ASH1L: variants seen among roughly 807,000 people sequenced by gnomAD.
The protein encoded by ASH1L is histone-lysine N-methyltransferase ASH1L.
In ASH1L, 23 loss-of-function variants were observed where a neutral mutation model predicts 269.0. The observed-to-expected ratio is 0.09, with a 90% CI of 0.06 to 0.12. The LOEUF (loss-of-function observed/expected upper bound fraction) is 0.12, where lower values mean the gene tolerates loss of function less well. Ranked by LOEUF, ASH1L falls within the 10% of genes least tolerant of loss-of-function variation. The probability of loss-of-function intolerance (pLI) is 1.00; values close to 1 mark genes in which losing one functional copy is unlikely to be tolerated. For missense variants in ASH1L, 2,912 were observed against 3,567.8 expected (o/e 0.82, Z 4.68); for synonymous variants, 1,187 against 1,253.5 (o/e 0.95, Z 1.12).
intron 9 of ASH1L, 39 bp from the exon 10 acceptor site, chr1:155,378,428 G>A (rs1656654922): frequency 6.2e-7 from 1 of 1,608,834 alleles, no homozygotes. Flanking sequence ...GAACATACAG[G>A]ATAATTTTTC....
chr1:155,404,379 A>G (rs1659096835), intron 6 of ASH1L, among the ~76,000 whole-genome samples: 2 of 152,080 alleles, frequency 1.3e-5, no homozygotes, highest in Non-Finnish European at 2.9e-5. Context: ...TCCAGAAGCA[A>G]TTTAAAAATA....
At chr1:155,456,564 C>T (rs1663877873) in intron 4 of ASH1L, among the ~76,000 whole-genome samples, 1 of 152,052 alleles carries the variant, frequency 6.6e-6, no homozygotes, top group Non-Finnish European at 1.5e-5. Flanking sequence ...CTTAGGTCTC[C>T]GTCCCCATCA....
chr1:155,359,193 C>G (rs1443586071), intron 13 of ASH1L, among the ~76,000 whole-genome samples: 1 of 152,162 alleles, frequency 6.6e-6, no homozygotes, highest in Non-Finnish European at 1.5e-5. Context: ...AACTCCTGGG[C>G]TCAAGTGATA....
intron 3 of ASH1L, among the ~76,000 whole-genome samples, chr1:155,475,973 T>A (rs191229022): frequency 4.6e-5 from 7 of 150,622 alleles, no homozygotes; most frequent in Non-Finnish European, 7.4e-5. Flanking sequence ...CATTCTCTAT[T>A]ATATAACAAG....
intron 7 of ASH1L, 88 bp from the exon 8 acceptor site, chr1:155,380,204 C>CCTG: frequency 1.1e-6 from 1 of 898,006 alleles, no homozygotes; most frequent in South Asian, 1.6e-5. Flanking sequence ...CTAACATGTA[C>CCTG]TGACTAAAAA....
In ASH1L at chr1:155,381,739, G is replaced by C. The variant is rs545349767; in HGVS notation, c.6104-1623C>G. Among the ~76,000 whole-genome samples, 4 of 151,564 alleles carry C rather than the reference G, an allele frequency of 2.6e-5. No individual in the cohort carries two copies. In the East Asian group the frequency reaches 5.8e-4, roughly 22 times the overall value. On this transcript the variant is annotated intron_variant, in intron 7 of 27. Transcript: ENST00000392403. ...AAAATACAAAAATTAGCTGGGTGTG[G>C]TGGCACACGCCTGTAATCCCAGCTA...
chr1:155,460,880 T>A (rs1349859155), intron 3 of ASH1L, among the ~76,000 whole-genome samples: 1 of 152,148 alleles, frequency 6.6e-6, no homozygotes, highest in African/African-American at 2.4e-5. Flanking sequence ...GCATATTACA[T>A]CTCCCGCTCA....
intron 5 of ASH1L, among the ~76,000 whole-genome samples, chr1:155,419,667 TC>T (rs1358003220): frequency 2.0e-5 from 3 of 152,174 alleles, no homozygotes; most frequent in Admixed American, 1.3e-4. Flanking sequence ...GCAGGAAGTT[TC>T]CCAGATATTT....
chr1:155,498,761 T>C (rs1381329152), intron 2 of ASH1L, among the ~76,000 whole-genome samples: 1 of 152,014 alleles, frequency 6.6e-6, no homozygotes, highest in Non-Finnish European at 1.5e-5. Context: ...TTTTTAAAAA[T>C]GTTTTGTAGA....
chr1:155,383,855 T>C (rs1657187591), intron 7 of ASH1L, among the ~76,000 whole-genome samples: 2 of 152,174 alleles, frequency 1.3e-5, no homozygotes, highest in Admixed American at 6.6e-5. Context: ...ATAGCAGTCA[T>C]GGTCATACAA....
rs777322478 is a variant in ASH1L, at chr1:155,562,178, G to T, written c.-125C>A. On this transcript the variant is annotated 5_prime_UTR_variant, in exon 1 of 28. Transcript: ENST00000392403. ...CGTGTCGGAGGCCGAGGCCGAGGCC[G>T]AGAGCGATGAGAGTGCAGGGAAGTG... 1.2e-6 allele frequency: 2 copies of T among 1,600,420 alleles called. No individual in the cohort carries two copies. The highest frequency in any genetic ancestry group is 1.3e-5 in the African/African-American group (1 of 74,746).
chr1:155,362,487 T>G (rs1419821049), intron 12 of ASH1L, among the ~76,000 whole-genome samples: 3 of 152,034 alleles, frequency 2.0e-5, no homozygotes, highest in African/African-American at 7.2e-5. Flanking sequence ...TTCATCCTCC[T>G]AACAATTATA....
chr1:155,533,574 C>T (rs894297630), intron 1 of ASH1L, among the ~76,000 whole-genome samples: 1 of 151,488 alleles, frequency 6.6e-6, no homozygotes, highest in African/African-American at 2.4e-5. Context: ...ATTGGCCAGG[C>T]GTGGTGGTGT....
chr1:155,368,351 G>C (rs1307417148), intron 12 of ASH1L, among the ~76,000 whole-genome samples: 1 of 152,040 alleles, frequency 6.6e-6, no homozygotes, highest in Non-Finnish European at 1.5e-5. Context: ...TGGTTCTCCA[G>C]GTTCTTTTGT....
intron 2 of ASH1L, among the ~76,000 whole-genome samples, chr1:155,502,217 C>A (rs530319607): frequency 6.6e-6 from 1 of 150,992 alleles, no homozygotes; most frequent in Non-Finnish European, 1.5e-5. Flanking sequence ...ATTATAGGCA[C>A]GCACCACCAC....
intron 4 of ASH1L, among the ~76,000 whole-genome samples, chr1:155,454,687 G>A (rs1663752438): frequency 6.6e-6 from 1 of 152,198 alleles, no homozygotes; most frequent in Non-Finnish European, 1.5e-5. Flanking sequence ...AGAATCGCAT[G>A]AACCTGGGAG....
intron 2 of ASH1L, among the ~76,000 whole-genome samples, chr1:155,507,297 G>A (rs1380884111): frequency 2.0e-5 from 3 of 148,854 alleles, no homozygotes. Context: ...AAAAAAAAAC[G>A]CTTCACTGAA....
Position 155,562,408 on chromosome 1 carries a change from C to G in ASH1L, c.-355G>C. 6.7e-7 allele frequency: 1 copy of G among 1,493,568 alleles called. No individual in the cohort carries two copies. 92.5% of individuals were successfully genotyped at this position (1,493,568 alleles called of 1,614,324 possible). ...GATCGTCTCCCCTCCGCAAAGCGAA[C>G]CCAAAATGGCGGCGGGAGCGGCGGC... is the stretch of plus-strand genomic sequence containing the variant. On this transcript the variant is annotated 5_prime_UTR_variant, in exon 1 of 28. Coordinates refer to ENST00000392403, the MANE Select transcript of ASH1L (RefSeq NM_018489.3).
chr1:155,475,223 G>A (rs774981276), intron 3 of ASH1L, among the ~76,000 whole-genome samples: 11 of 151,530 alleles, frequency 7.3e-5, no homozygotes, highest in Admixed American at 2.6e-4. Context: ...TGCAATCTCC[G>A]CCTCCTGGGT....
Sources: allele counts gnomAD v4.1 joint callset (sites outside exome capture counted in the v4.1 genomes callset), GRCh38; gene constraint gnomAD v4.1.1; transcripts MANE v1.5; gene names NCBI Gene and HGNC (gene_info 2026-07-23, HGNC 2026-07-21).